NRAP: variants seen among roughly 807,000 people sequenced by gnomAD.
NRAP encodes the protein nebulin related anchoring protein.
A neutral mutation model predicts 225.9 loss-of-function variants in NRAP; 189 were observed. That is an observed-to-expected ratio of 0.84 (90% CI 0.74 to 0.94). The LOEUF (loss-of-function observed/expected upper bound fraction) is 0.94, where lower values mean the gene tolerates loss of function less well. Among genes scored for constraint, NRAP ranks in the 40% least tolerant of loss-of-function variants. The pLI, the probability that NRAP is intolerant of heterozygous loss-of-function variation, is 0.00. For synonymous variants in NRAP, 769 were observed against 790.7 expected, an observed-to-expected ratio of 0.97 and a Z score of 0.46; for missense variants, 2,176 against 2,168.7, an observed-to-expected ratio of 1.00 and a Z score of -0.07.
intron 17 of NRAP, 67 bp from the exon 18 acceptor site, chr10:113,631,677 T>A: frequency 9.2e-7 from 1 of 1,087,722 alleles, no homozygotes; most frequent in Non-Finnish European, 1.4e-6. Flanking sequence ...GGCTCTGGTT[T>A]TAACAAGTGC....
rs200049312 is a variant in NRAP, at chr10:113,645,833, C to T, written c.1102G>A (p.Val368Met). The change falls in exon 11 of 42, where the codon GTG becomes ATG. Residue 368 changes from valine to methionine, a missense_variant. Val to Met is a conservative substitution (Grantham distance 21). Coordinates refer to ENST00000359988, the MANE Select transcript of NRAP (RefSeq NM_198060.4). ...TCTTCCCCCATACGCACCTCACTCA[C>T]GAGTTTGTTTACGCTCTGAGCCTGT... ...LKQAQSVNKL[V>M]SEVEYKKDLE... 2.1e-4 allele frequency: 336 copies of T among 1,575,714 alleles called. 3 individuals are homozygous for T. The South Asian group carries it at 3.4e-3, about 16-fold the overall frequency.
intron 4 of NRAP, among the ~76,000 whole-genome samples, chr10:113,655,452 A>ATTCTT (rs34169375): frequency 4.1e-5 from 6 of 145,250 alleles, no homozygotes; most frequent in African/African-American, 5.1e-5. Flanking sequence ...TTGTACATCC[A>ATTCTT]TTTTTTTTTT....
At chr10:113,614,149 C>T (rs369325364) in intron 29 of NRAP, 34 bp downstream of exon 29, 68 of 1,393,286 alleles carry the variant, frequency 4.9e-5, no homozygotes, top group African/African-American at 1.4e-5. Context: ...CAGGTGGGGG[C>T]CCTGCAGCCG....
chr10:113,613,655 G>A (rs1847462134), intron 29 of NRAP, among the ~76,000 whole-genome samples: 1 of 151,996 alleles, frequency 6.6e-6, no homozygotes, highest in Non-Finnish European at 1.5e-5. Context: ...ACGCCTACAG[G>A]GGCCAGGCAG....
At chr10:113,626,201 C>A in intron 20 of NRAP, 56 bp from the exon 21 acceptor site, 1 of 1,140,568 alleles carries the variant, frequency 8.8e-7, no homozygotes, top group Non-Finnish European at 1.3e-6. Context: ...CCCTACCACC[C>A]TACTCATGTG....
At chr10:113,643,471 TC>T (rs1027134886) in intron 11 of NRAP, among the ~76,000 whole-genome samples, 57 of 152,328 alleles carry the variant, frequency 3.7e-4, no homozygotes, top group African/African-American at 1.3e-3. Context: ...AGGAAATCCT[TC>T]CCACTATACA....
rs542766665 is a variant in NRAP, at chr10:113,614,120, G to C, written c.3300+63C>G. 47 of 1,024,516 alleles carry C rather than the reference G, an allele frequency of 4.6e-5. No individual in the cohort carries two copies. In the African/African-American group the frequency reaches 5.3e-4, roughly 12 times the overall value. The allele number at this position is 1,024,516 out of a possible 1,614,324, so 63.5% of individuals were successfully genotyped here. On this transcript the variant is annotated intron_variant, in intron 29 of 41. Transcript: ENST00000359988. ...CCAGAAGGACAAATGAGGTTAGGTT[G>C]CCATGCAGTGAGCGTTGTCAGGTGG...
chr10:113,653,509 T>C (rs191570663), intron 5 of NRAP, among the ~76,000 whole-genome samples: 2 of 152,334 alleles, frequency 1.3e-5, no homozygotes, highest in Admixed American at 1.3e-4. Context: ...TTCTTTCCAT[T>C]TTCTAAAGAA....
chr10:113,604,716 C>T lies in NRAP; in HGVS notation c.4120G>A (p.Ala1374Thr). Residue 1374 changes from alanine (A) to threonine (T), a missense_variant, in exon 35 of 42, where the codon GCT becomes ACT. Physicochemically the swap from Ala to Thr is moderately conservative, Grantham distance 58 (BLOSUM62 0). Around this residue, in one of 3 missense-constraint regions of NRAP, gnomAD observed 23 missense variants for 47.1 expected, o/e 0.49. Coordinates refer to ENST00000359988, the MANE Select transcript of NRAP (RefSeq NM_198060.4). Reference protein sequence around the residue: ...VHLVHAKNAQALASDHDYRTQ... With the variant: ...VHLVHAKNAQTLASDHDYRTQ... ...CTGTAGTCGTGGTCGCTGGCCAGAG[C>T]CTGGGCATTCTTGGCATGGACCAGG... 1 of 1,614,156 alleles carries T rather than the reference C, an allele frequency of 6.2e-7. No individual in the cohort carries two copies. Among genetic ancestry groups the T allele is most frequent in the Non-Finnish European group, 8.5e-7 (1 of 1,180,028 alleles).
intron 34 of NRAP, among the ~76,000 whole-genome samples, chr10:113,605,268 C>T (rs549934161): frequency 2.3e-4 from 35 of 152,302 alleles, no homozygotes; most frequent in Non-Finnish European, 4.4e-4. Flanking sequence ...ATTTGAAGTC[C>T]ACATTTTTCT....
At position 113,608,458 on chromosome 10, in the gene NRAP, G is replaced by C. The variant is rs369760792; in HGVS notation, c.3658C>G (p.Pro1220Ala). The C allele has an allele frequency of 6.2e-7, 1 of 1,613,744 alleles. No individual in the cohort carries two copies. The highest frequency in any genetic ancestry group is 8.5e-7 in the Non-Finnish European group (1 of 1,179,690). The stretch of plus-strand genomic sequence containing the variant: ...CTGAATTTCGCATGAAGGAGGTTGG[G>C]AGTGTCTGTCACAGCTGTGTACTTG... ...SFKYTAVTDT[P>A]NLLHAKFSNQ... The change falls in exon 32 of 42, where the codon CCC becomes GCC. Residue 1220 changes from proline to alanine, a missense_variant. Transcript: ENST00000359988.
At chr10:113,617,822 C>T (rs1052524901) in intron 25 of NRAP, among the ~76,000 whole-genome samples, 1 of 152,288 alleles carries the variant, frequency 6.6e-6, no homozygotes, top group South Asian at 2.1e-4. Context: ...CTGTAGGATA[C>T]ACACTTAGAA....
In NRAP at chr10:113,645,499, C is replaced by A. The variant is rs536636390; in HGVS notation, c.1110+326G>T. On this transcript the variant is annotated intron_variant, in intron 11 of 41. Coordinates refer to ENST00000359988, the MANE Select transcript of NRAP (RefSeq NM_198060.4). ...ATAGCACTATCTCGGCTCACCGCGA[C>A]CTCCGCCTCCCGAGTTCAAGCAATT... Among the ~76,000 whole-genome samples the A allele has an allele frequency of 4.6e-5, 7 of 152,296 alleles. No individual in the cohort carries two copies. In the East Asian group the frequency reaches 5.8e-4, roughly 13 times the overall value.
chr10:113,643,100 C>A, intron 11 of NRAP, 62 bp from the exon 12 acceptor site: 1 of 820,366 alleles, frequency 1.2e-6, no homozygotes, highest in Non-Finnish European at 2.1e-6. Context: ...TTGAAAATGT[C>A]CCAGGACTTG....
At chr10:113,654,507 C>CAAAAAAAAAAAAA (rs56238053) in intron 4 of NRAP, among the ~76,000 whole-genome samples, 1 of 128,696 alleles carries the variant, frequency 7.8e-6, no homozygotes, top group African/African-American at 3.0e-5. Context: ...GCAATAAAAG[C>CAAAAAAAAAAAAA]AAAAAAAAAA....
At chr10:113,604,037 A>G (rs1846770970) in intron 35 of NRAP, among the ~76,000 whole-genome samples, 1 of 152,214 alleles carries the variant, frequency 6.6e-6, no homozygotes, top group African/African-American at 2.4e-5. Context: ...TTTCCTGAGC[A>G]CAGGAATTTT....
At chr10:113,589,830 T>C (rs750721103) in intron 40 of NRAP, 33 bp from the exon 41 acceptor site, 1 of 1,609,618 alleles carries the variant, frequency 6.2e-7, no homozygotes, top group African/African-American at 1.3e-5. Context: ...GAGGAATATG[T>C]CAGCAGGGTT....
At chr10:113,644,147 C>CAAAAAAAA (rs60015356) in intron 11 of NRAP, among the ~76,000 whole-genome samples, 3,922 of 47,504 alleles carry the variant, frequency 0.083, 579 homozygotes, top group African/African-American at 0.12. Context: ...AACTCCCTCT[C>CAAAAAAAA]AAAAAAAAAA....
chr10:113,626,410 G>A (rs1173573029), intron 20 of NRAP, among the ~76,000 whole-genome samples: 1 of 152,178 alleles, frequency 6.6e-6, no homozygotes, highest in Non-Finnish European at 1.5e-5. Flanking sequence ...CCCTGGGGAG[G>A]TATACATTTT....
Sources: allele counts gnomAD v4.1 joint callset (sites outside exome capture counted in the v4.1 genomes callset), GRCh38; gene constraint gnomAD v4.1.1; regional missense constraint gnomAD v4.1.1; transcripts MANE v1.5; gene names NCBI Gene and HGNC (gene_info 2026-07-23, HGNC 2026-07-21).